Variants in ABLIM1 observed in about 807,000 individuals in gnomAD.
ABLIM1 encodes actin binding LIM protein 1, also known as actin-binding LIM protein 1.
Under a neutral mutation model 107.0 loss-of-function variants are expected in ABLIM1, and 40 were observed. The ratio of observed to expected loss-of-function variants is 0.37; its 90% confidence interval spans 0.29 to 0.49. The LOEUF is 0.49. Ranked by LOEUF, ABLIM1 falls within the 20% of genes least tolerant of loss-of-function variation. The pLI, the probability that ABLIM1 is intolerant of heterozygous loss-of-function variation, is 0.97. For missense variants in ABLIM1, 857 were observed against 1,008.5 expected, an observed-to-expected ratio of 0.85 and a Z score of 2.04; for synonymous variants, 357 against 357.3, an observed-to-expected ratio of 1.00 and a Z score of 0.01.
intron 1 of ABLIM1, among the ~76,000 whole-genome samples, chr10:114,698,408 TAA>T (rs34629916): frequency 2.1e-4 from 24 of 116,910 alleles, no homozygotes; most frequent in Non-Finnish European, 2.6e-4. Context: ...ATTAAAAATG[TAA>T]AAAAAAAAAA....
At chr10:114,632,031 C>A in intron 1 of ABLIM1, 1 of 1,275,230 alleles carries the variant, frequency 7.8e-7, no homozygotes, top group Admixed American at 2.5e-5. Flanking sequence ...CAGGAGAAGC[C>A]CCGGCATCCG....
chr10:114,511,528 G>A (rs1180812220), intron 6 of ABLIM1, among the ~76,000 whole-genome samples: 1 of 151,764 alleles, frequency 6.6e-6, no homozygotes, highest in African/African-American at 2.4e-5. Flanking sequence ...ACCACACCCA[G>A]CTAATTTTTG....
At chr10:114,516,381 A>G (rs1274673045) in intron 6 of ABLIM1, among the ~76,000 whole-genome samples, 2 of 152,032 alleles carry the variant, frequency 1.3e-5, no homozygotes, top group Admixed American at 1.3e-4. Context: ...AAAATTAGCC[A>G]ACCATGGTAG....
upstream of ABLIM1, among the ~76,000 whole-genome samples, chr10:114,768,731 C>T (rs1195307434): frequency 1.3e-5 from 2 of 151,474 alleles, no homozygotes; most frequent in Non-Finnish European, 2.9e-5. Flanking sequence ...GTCCCCCCAC[C>T]CAGCACCCGG....
At chr10:114,631,292 C>A (rs2078156539) in intron 1 of ABLIM1, among the ~76,000 whole-genome samples, 1 of 152,208 alleles carries the variant, frequency 6.6e-6, no homozygotes, top group Non-Finnish European at 1.5e-5. Context: ...CACACCTGTC[C>A]TCTCCCTTTT....
intron 10 of ABLIM1, among the ~76,000 whole-genome samples, chr10:114,470,354 C>A (rs1201883397): frequency 7.3e-6 from 1 of 137,560 alleles, no homozygotes; most frequent in Admixed American, 8.4e-5. Context: ...ACCTGGGAGG[C>A]AGAGGTTGCA....
chr10:114,635,933 A>G (rs1371759631), intron 1 of ABLIM1, among the ~76,000 whole-genome samples: 1 of 152,216 alleles, frequency 6.6e-6, no homozygotes, highest in Non-Finnish European at 1.5e-5. Flanking sequence ...GTTGGCATCA[A>G]TCAATCTCAT....
At chr10:114,690,510 T>G in intron 1 of ABLIM1, 1 of 1,477,418 alleles carries the variant, frequency 6.8e-7, no homozygotes, top group South Asian at 1.1e-5. Context: ...ACCAAATCCT[T>G]TCTCTCCCAT....
intron 1 of ABLIM1, among the ~76,000 whole-genome samples, chr10:114,626,415 GTT>G (rs2077802372): frequency 1.3e-5 from 2 of 152,306 alleles, no homozygotes; most frequent in East Asian, 3.9e-4. Flanking sequence ...ATTGTAGCAA[GTT>G]TGTACAAATC....
chr10:114,664,716 G>A (rs937582366), intron 1 of ABLIM1, among the ~76,000 whole-genome samples: 4 of 150,814 alleles, frequency 2.7e-5, no homozygotes, highest in African/African-American at 9.7e-5. Context: ...GCTAATTTTT[G>A]TATTTTTAGT....
At position 114,447,933 on chromosome 10, in the gene ABLIM1, G is replaced by A. The variant is rs2061277423; in HGVS notation, c.1682C>T (p.Thr561Ile). Residue 561 changes from threonine to isoleucine, a missense_variant, in exon 15 of 23, where the codon ACA (threonine) becomes ATA (isoleucine). Physicochemically the swap from Thr to Ile is moderately conservative, Grantham distance 89. This residue lies in a region of ABLIM1 where 103 missense variants were observed against 101.0 expected (regional missense o/e 1.02). Transcript: ENST00000533213. ...CCAGTGGTCCGTCTCAATCTTTGGT[G>A]TCTCGCTGGGGTCTGGTGCCTGGGC... ...PAAQAPDPSE[T>I]PKIETDHWPG... 6.2e-7 allele frequency: 1 copy of A among 1,614,148 alleles called. No individual in the cohort carries two copies. The highest frequency in any genetic ancestry group is 8.5e-7 in the Non-Finnish European group (1 of 1,180,026).
intron 6 of ABLIM1, among the ~76,000 whole-genome samples, chr10:114,498,537 T>C (rs1241672755): frequency 6.6e-6 from 1 of 152,206 alleles, no homozygotes; most frequent in Non-Finnish European, 1.5e-5. Flanking sequence ...TGACAGTCCC[T>C]TTTAGTTTCT....
At chr10:114,445,597 T>C (rs550771890) in intron 15 of ABLIM1, among the ~76,000 whole-genome samples, 194 bp from the exon 16 acceptor site, 1 of 152,096 alleles carries the variant, frequency 6.6e-6, no homozygotes, top group Admixed American at 6.6e-5. Context: ...CTCAAGAAAA[T>C]GGCCCTGTGT....
intron 1 of ABLIM1, among the ~76,000 whole-genome samples, chr10:114,605,174 A>C (rs11196798): frequency 0.62 from 93,693 of 152,072 alleles, 31,219 homozygotes; most frequent in East Asian, 0.87. Flanking sequence ...CAGAAGATTC[A>C]GTTCTTATTT....
chr10:114,593,170 G>A (rs1369146619), intron 2 of ABLIM1, among the ~76,000 whole-genome samples: 1 of 152,116 alleles, frequency 6.6e-6, no homozygotes, highest in Non-Finnish European at 1.5e-5. Context: ...CATAACCTTG[G>A]TTGTACTAAT....
intron 2 of ABLIM1, among the ~76,000 whole-genome samples, chr10:114,597,297 T>G (rs2075514243): frequency 6.6e-6 from 1 of 152,040 alleles, no homozygotes; most frequent in Admixed American, 6.6e-5. Context: ...CTGATTAGGA[T>G]GGAGAGAGAA....
rs117999092 is a variant in ABLIM1, at chr10:114,533,398, T to C, written c.894+11607A>G. ...TACTGGTTTGGAATAGAAAAGGACA[T>C]ATTATTATAATCTTGCAATTAAATC... is the stretch of plus-strand genomic sequence containing the variant. On this transcript the variant is annotated intron_variant, in intron 6 of 22. Transcript: ENST00000533213. 7.0e-3 allele frequency among the ~76,000 whole-genome samples: 1,071 copies of C among 152,246 alleles called. 8 individuals are homozygous for C. Among genetic ancestry groups the C allele is most frequent in the Non-Finnish European group, 0.012 (808 of 68,024 alleles).
In ABLIM1 at chr10:114,441,059, C is replaced by T. The variant is rs1179942592; in HGVS notation, c.2017G>A (p.Ala673Thr). ...ACATCCCCATAGCTGTTATACTGAG[C>T]GAAGTCGGTAGAAACAGGCTGAAAT... ...GLHRPVSTDF[A>T]QYNSYGDVSG... Residue 673 changes from alanine to threonine, a missense_variant, in exon 19 of 23, where the codon GCT becomes ACT. By Grantham distance (58) the Ala-to-Thr change is moderately conservative. Around this residue, in one of 5 missense-constraint regions of ABLIM1, gnomAD observed 193 missense variants for 208.5 expected, o/e 0.93. Transcript: ENST00000533213. 5 of 1,586,314 alleles carry T rather than the reference C, an allele frequency of 3.2e-6. No individual in the cohort carries two copies. Among genetic ancestry groups the T allele is most frequent in the East Asian group, 4.5e-5 (2 of 44,128 alleles).
intron 1 of ABLIM1, among the ~76,000 whole-genome samples, chr10:114,652,249 T>C (rs1232750281): frequency 6.6e-6 from 1 of 152,196 alleles, no homozygotes; most frequent in Non-Finnish European, 1.5e-5. Flanking sequence ...ATTTGTGGCC[T>C]ATGGCCTACT....
Sources: gnomAD v4.1 joint callset for allele counts (sites outside exome capture counted in the v4.1 genomes callset) on GRCh38, gnomAD v4.1.1 for gene constraint, gnomAD v4.1.1 regional missense constraint, MANE v1.5 for transcripts, NCBI Gene and HGNC (gene_info 2026-07-23, HGNC 2026-07-21) for gene names.